Variants in PCDHGA4 observed in about 807,000 individuals in gnomAD.
The protein encoded by PCDHGA4 is protocadherin gamma subfamily A, 4, also known as protocadherin gamma-A4.
In PCDHGA4, 38 loss-of-function variants were observed where a neutral mutation model predicts 54.6. That is an observed-to-expected ratio of 0.70 (90% confidence interval 0.54 to 0.91). The LOEUF (loss-of-function observed/expected upper bound fraction) is 0.91, where lower values mean the gene tolerates loss of function less well. PCDHGA4 is among the 40% of genes least tolerant of loss of function. The pLI is 0.00. For missense variants in PCDHGA4, 1,298 were observed against 1,220.9 expected (o/e 1.06, Z -0.94); for synonymous variants, 511 against 512.9 (o/e 1.00, Z 0.05).
At chr5:141,374,058 C>T in intron 1 of PCDHGA4, 1 of 1,487,942 alleles carries the variant, frequency 6.7e-7, no homozygotes, top group Non-Finnish European at 8.9e-7. Context: ...CTTCTTAATC[C>T]CAGAGAAGTT....
chr5:141,491,837 G>A lies in PCDHGA4; in HGVS notation c.2515-2970G>A, dbSNP rs1404051857. The A allele has an allele frequency of 1.4e-6, 2 of 1,472,862 alleles. No individual in the cohort carries two copies. The highest frequency in any genetic ancestry group is 1.8e-6 in the Non-Finnish European group (2 of 1,111,878). The allele number at this position is 1,472,862 out of a possible 1,614,324, so 91.2% of individuals were successfully genotyped here. A position where few individuals can be genotyped will look rare whatever the true frequency, so the allele number is the denominator to read the frequency against. ...TGGCTGCGCTCCACCCGATTCTCGG[G>A]ATCATTGGACCGTTTGCGCGAAACC... On this transcript the variant is annotated intron_variant, in intron 1 of 3. Transcript: ENST00000571252. The surrounding 1 kb of genome is among the most constrained non-coding windows in gnomAD (Gnocchi z 6.9).
chr5:141,472,998 G>GAA (rs2099311030), intron 1 of PCDHGA4, among the ~76,000 whole-genome samples: 1 of 134,744 alleles, frequency 7.4e-6, no homozygotes, highest in Non-Finnish European at 1.6e-5. Flanking sequence ...AAAAAAAAAA[G>GAA]AAAGAAAAAG....
chr5:141,393,331 G>A (rs2092730399), intron 1 of PCDHGA4: 1 of 1,613,860 alleles, frequency 6.2e-7, no homozygotes. Flanking sequence ...TACCAGCTCA[G>A]CCCCAATCAC....
At chr5:141,404,215 G>T (rs1372288822) in intron 1 of PCDHGA4, 15 of 1,613,346 alleles carry the variant, frequency 9.3e-6, no homozygotes, top group Non-Finnish European at 1.3e-5. Context: ...ATAATATCAC[G>T]GTGACTGCAA....
intron 1 of PCDHGA4, chr5:141,366,110 G>A (rs780243212): frequency 1.9e-6 from 3 of 1,614,230 alleles, no homozygotes; most frequent in South Asian, 1.1e-5. Flanking sequence ...GGTGGTAGCG[G>A]TGGACAAAGA....
chr5:141,447,018 G>GT (rs1329161304), intron 1 of PCDHGA4, among the ~76,000 whole-genome samples: 6 of 142,194 alleles, frequency 4.2e-5, no homozygotes, highest in African/African-American at 1.6e-4. Context: ...GTTCAGTTTT[G>GT]TTTTGTTTTT....
At chr5:141,481,524 A>G (rs186970700) in intron 1 of PCDHGA4, among the ~76,000 whole-genome samples, 4 of 152,240 alleles carry the variant, frequency 2.6e-5, no homozygotes, top group African/African-American at 9.6e-5. Flanking sequence ...CTCAGTAAAA[A>G]TCTAGAGATG....
intron 1 of PCDHGA4, chr5:141,417,843 G>C: frequency 6.5e-7 from 1 of 1,539,250 alleles, no homozygotes; most frequent in Non-Finnish European, 8.8e-7. Context: ...GGGACCCAGC[G>C]AGAACCCGAG....
intron 1 of PCDHGA4, chr5:141,403,246 G>C: frequency 6.2e-7 from 1 of 1,613,930 alleles, no homozygotes; most frequent in South Asian, 1.1e-5. Flanking sequence ...TCTGTGCTCA[G>C]AGCCCGCGGT....
intron 1 of PCDHGA4, chr5:141,370,414 G>A (rs1479510412): frequency 6.4e-7 from 1 of 1,568,570 alleles, no homozygotes; most frequent in Non-Finnish European, 8.6e-7. Flanking sequence ...AGCTCCGGAT[G>A]GAGGGGCCCA....
rs764538527 is a variant in PCDHGA4 at position 141,361,272 on chromosome 5, T to A, written c.2514+3651T>A. 6 of 1,613,890 alleles carry A rather than the reference T, an allele frequency of 3.7e-6. No individual in the cohort carries two copies. In the South Asian group the frequency reaches 6.6e-5, roughly 18 times the overall value. On this transcript the variant is annotated intron_variant, in intron 1 of 3. Transcript: ENST00000571252. ...CGAGAGACAGAGACTCTGGAGAAAA[T>A]GGAGAAGTTTACTGCCAAGTGTTGG...
intron 1 of PCDHGA4, chr5:141,410,254 C>T: frequency 3.1e-6 from 5 of 1,614,020 alleles, no homozygotes; most frequent in Non-Finnish European, 3.4e-6. Flanking sequence ...TCTCTGACCC[C>T]CAGGCTGAAC....
In PCDHGA4 at chr5:141,510,950, C is replaced by T. The variant is rs770587030; in HGVS notation, c.2666C>T (p.Ala889Val). 1.2e-6 allele frequency: 2 copies of T among 1,614,126 alleles called. No homozygotes were observed. The highest frequency in any genetic ancestry group is 2.2e-5 in the South Asian group (2 of 91,078). ...QAMILASASE[A>V]ADGSSTLGGG... Reference sequence around the variant, plus strand: ...TGATCTTCCTCTGTCTCTGCAGAAGCTGCTGATGGGAGCTCCACCCTGGGA... The same window carrying T: ...TGATCTTCCTCTGTCTCTGCAGAAGTTGCTGATGGGAGCTCCACCCTGGGA... The change falls in exon 4 of 4, where the codon GCT (alanine) becomes GTT (valine). Residue 889 changes from alanine (A) to valine (V), a missense_variant. Physicochemically the swap from Ala to Val is moderately conservative, Grantham distance 64. Transcript: ENST00000571252.
intron 2 of PCDHGA4, among the ~76,000 whole-genome samples, chr5:141,501,075 A>C (rs980856799): frequency 6.6e-6 from 1 of 151,366 alleles, no homozygotes; most frequent in African/African-American, 2.4e-5. Context: ...CACCATGTTG[A>C]CCAGGATGGT....
rs2099670287 is a variant in PCDHGA4, at chr5:141,487,983, TC to T, written c.2515-6822del. Among the ~76,000 whole-genome samples, 3 of 152,290 alleles carry T rather than the reference TC, an allele frequency of 2.0e-5. No individual in the cohort carries two copies. The South Asian group carries it at 6.2e-4, about 32-fold the overall frequency. ...CAAAGGTGGCTGTTTTCTCTACTCT[TC>T]CTGAAAGAGGGGATCAGATTCTGAA... On this transcript the variant is annotated intron_variant, in intron 1 of 3. Coordinates refer to ENST00000571252, the MANE Select transcript of PCDHGA4 (RefSeq NM_018917.4). This position sits in a 1 kb window ranked among gnomAD's most constrained non-coding sequence, Gnocchi z 5.0.
Position 141,436,047 on chromosome 5 carries a change from T to G in PCDHGA4, c.2515-58760T>G, listed in dbSNP as rs141900903. On this transcript the variant is annotated intron_variant, in intron 1 of 3. Transcript: ENST00000571252. ...ATACTAAATTTGTATTTACATTAGT[T>G]TTCAAATAGAATTTAATAAGTACAG... is the stretch of plus-strand genomic sequence containing the variant. Among the ~76,000 whole-genome samples the G allele has an allele frequency of 1.0e-2, 1,517 of 152,280 alleles. 31 individuals carry two copies. The highest frequency in any genetic ancestry group is 0.034 in the African/African-American group (1,420 of 41,552).
At position 141,491,910 on chromosome 5, in the gene PCDHGA4, G is replaced by T. The variant is rs946745903; in HGVS notation, c.2515-2897G>T. On this transcript the variant is annotated intron_variant, in intron 1 of 3. Coordinates refer to ENST00000571252, the MANE Select transcript of PCDHGA4 (RefSeq NM_018917.4). This position sits in a 1 kb window ranked among gnomAD's most constrained non-coding sequence, Gnocchi z 6.9. ...GGCTCCGAGCACCGGGGGTGGTGGC[G>T]ACTGTGGGCGAGGGGAGGTGGGACC... 3.6e-6 allele frequency: 5 copies of T among 1,406,946 alleles called. No individual in the cohort carries two copies. Among genetic ancestry groups the T allele is most frequent in the Non-Finnish European group, 4.7e-6 (5 of 1,059,702 alleles). 87.2% of individuals were successfully genotyped at this position (1,406,946 alleles called of 1,614,324 possible).
intron 1 of PCDHGA4, chr5:141,428,251 T>C (rs761574102): frequency 1.1e-5 from 10 of 893,496 alleles, no homozygotes; most frequent in Middle Eastern, 2.1e-4. Flanking sequence ...ACTGCCAGAC[T>C]TCAGTGACAG....
intron 1 of PCDHGA4, chr5:141,375,193 A>G: frequency 6.2e-7 from 1 of 1,613,982 alleles, no homozygotes; most frequent in Non-Finnish European, 8.5e-7. Context: ...CCCTTTTTCA[A>G]GTGTTCGATC....
Sources: allele counts gnomAD v4.1 joint callset (sites outside exome capture counted in the v4.1 genomes callset), GRCh38; gene constraint gnomAD v4.1.1; non-coding constraint Gnocchi (gnomAD v3.1); transcripts MANE v1.5; gene names NCBI Gene and HGNC (gene_info 2026-07-23, HGNC 2026-07-21).